The following NXPE2 variants were observed in gnomAD, a reference collection of about 807,000 sequenced individuals.
NXPE2 encodes neurexophilin and PC-esterase domain family member 2, also known as NXPE family member 2.
A neutral mutation model predicts 34.4 loss-of-function variants in NXPE2; 34 were observed. The ratio of observed to expected loss-of-function variants is 0.99; its 90% CI spans 0.75 to 1.31. The LOEUF (loss-of-function observed/expected upper bound fraction) is 1.31. NXPE2 is among the 40% of genes most tolerant of loss of function. The pLI is 0.00. For synonymous variants in NXPE2, 235 were observed against 231.3 expected (o/e 1.02, Z -0.15); for missense variants, 649 against 672.5 (o/e 0.97, Z 0.39).
At chr11:114,534,016 C>T in the NXPE2 span, among the ~76,000 whole-genome samples, 1 of 152,218 alleles carries the variant, frequency 6.6e-6, no homozygotes, top group African/African-American at 2.4e-5. Context: ...CCCAAGTAGC[C>T]TAACTGGGAG....
the NXPE2 span, among the ~76,000 whole-genome samples, chr11:114,810,035 C>T: frequency 4.0e-5 from 6 of 151,412 alleles, no homozygotes; most frequent in African/African-American, 9.7e-5. Flanking sequence ...GAAATAATGC[C>T]GCATATCTAC....
chr11:114,704,731 A>G (rs1951440168), intron 4 of NXPE2, among the ~76,000 whole-genome samples: 1 of 152,234 alleles, frequency 6.6e-6, no homozygotes. Context: ...CCTGTGGAGA[A>G]CATAAACACA....
chr11:114,527,845 C>T, the NXPE2 span: 1 of 1,606,198 alleles, frequency 6.2e-7, no homozygotes. Context: ...CTTACTGTTA[C>T]AATTAGTGAC....
At chr11:114,482,525 A>G in the NXPE2 span, among the ~76,000 whole-genome samples, 1 of 152,180 alleles carries the variant, frequency 6.6e-6, no homozygotes. Flanking sequence ...AGTTTTAACT[A>G]TATTTTCAAC....
At chr11:114,697,366 C>T (rs1037427648) in intron 2 of NXPE2, among the ~76,000 whole-genome samples, 8 of 152,280 alleles carry the variant, frequency 5.3e-5, no homozygotes, top group African/African-American at 1.9e-4. Context: ...TGGAAACCAC[C>T]AGGAGTTAGG....
chr11:114,813,461 T>G, the NXPE2 span, among the ~76,000 whole-genome samples: 3 of 152,216 alleles, frequency 2.0e-5, no homozygotes, highest in African/African-American at 7.2e-5. Context: ...ATCTGCGAGC[T>G]GCAGCTCAAG....
the NXPE2 span, among the ~76,000 whole-genome samples, chr11:114,589,084 A>T: frequency 6.6e-6 from 1 of 152,080 alleles, no homozygotes. Context: ...TGCATCTGCG[A>T]GTTGCTATTG....
chr11:114,749,954 T>A, the NXPE2 span, among the ~76,000 whole-genome samples: 21 of 152,062 alleles, frequency 1.4e-4, no homozygotes, highest in Middle Eastern at 3.2e-3. Context: ...CCATGTAGAC[T>A]CTCTTCTCTC....
the NXPE2 span, among the ~76,000 whole-genome samples, chr11:114,729,457 CTGTTT>C: frequency 6.6e-6 from 1 of 152,098 alleles, no homozygotes; most frequent in Non-Finnish European, 1.5e-5. Context: ...AATGGTAGTT[CTGTTT>C]TAAGTTCTTT....
In NXPE2 at chr11:114,706,640, C is replaced by T. The variant is rs780628740; in HGVS notation, c.1390C>T (p.Arg464Cys). 5.8e-6 allele frequency: 9 copies of T among 1,551,714 alleles called. No individual in the cohort carries two copies. The highest frequency in any genetic ancestry group is 4.9e-5 in the East Asian group (2 of 41,068). Residue 464 changes from arginine to cysteine, a missense_variant, in exon 6 of 6, where the codon CGT becomes TGT. Physicochemically the swap from Arg to Cys is radical, Grantham distance 180. Coordinates refer to ENST00000389586, the MANE Select transcript of NXPE2 (RefSeq NM_182495.6). ...FRPFPINIFI[R>C]RAINIQKAIE... ...ACCCTTTCCCATCAACATTTTCATC[C>T]GTAGGGCCATCAATATTCAAAAGGC... is the stretch of plus-strand genomic sequence containing the variant.
chr11:114,491,944 G>T, the NXPE2 span, among the ~76,000 whole-genome samples: 1 of 152,124 alleles, frequency 6.6e-6, no homozygotes, highest in African/African-American at 2.4e-5. Context: ...TCACTCATAG[G>T]TGGGAATTGA....
the NXPE2 span, among the ~76,000 whole-genome samples, chr11:114,811,357 C>CA: frequency 5.5e-5 from 8 of 144,422 alleles, no homozygotes; most frequent in Admixed American, 2.1e-4. Flanking sequence ...AAAAAAAATG[C>CA]AAAAAAAGAG....
At chr11:114,505,178 G>GA in the NXPE2 span, among the ~76,000 whole-genome samples, 1 of 150,978 alleles carries the variant, frequency 6.6e-6, no homozygotes, top group African/African-American at 2.4e-5. Flanking sequence ...CAAGAATAGA[G>GA]AGAAAAAAAA....
chr11:114,615,589 A>G, the NXPE2 span, among the ~76,000 whole-genome samples: 1 of 150,924 alleles, frequency 6.6e-6, no homozygotes, highest in Admixed American at 6.6e-5. Context: ...CTGGTGAATA[A>G]TATTTGCTGC....
At chr11:114,481,675 T>G in the NXPE2 span, among the ~76,000 whole-genome samples, 210 of 152,314 alleles carry the variant, frequency 1.4e-3, 2 homozygotes, top group African/African-American at 4.8e-3. Flanking sequence ...GTAAATCTAC[T>G]GGTGCAGTGT....
chr11:114,746,104 T>A, the NXPE2 span, among the ~76,000 whole-genome samples: 1 of 152,180 alleles, frequency 6.6e-6, no homozygotes, highest in Non-Finnish European at 1.5e-5. Context: ...TTGGCTTTAG[T>A]TGAATGTTGA....
chr11:114,566,049 A>G, the NXPE2 span, among the ~76,000 whole-genome samples: 1 of 152,180 alleles, frequency 6.6e-6, no homozygotes, highest in Admixed American at 6.5e-5. Context: ...AAAACTAGGG[A>G]CAAATGCATT....
At chr11:114,544,088 C>G in the NXPE2 span, among the ~76,000 whole-genome samples, 3 of 152,086 alleles carry the variant, frequency 2.0e-5, no homozygotes, top group African/African-American at 7.2e-5. Flanking sequence ...TTTAAAAAAT[C>G]TAAATAAATG....
At chr11:114,685,769 C>G (rs891379916) in intron 2 of NXPE2, among the ~76,000 whole-genome samples, 2 of 152,070 alleles carry the variant, frequency 1.3e-5, no homozygotes, top group African/African-American at 4.8e-5. Flanking sequence ...TCCTTCTATG[C>G]CTAATTTTAA....
Sources: gnomAD v4.1 joint callset for allele counts (sites outside exome capture counted in the v4.1 genomes callset) on GRCh38, gnomAD v4.1.1 for gene constraint, MANE v1.5 for transcripts, NCBI Gene and HGNC (gene_info 2026-07-23, HGNC 2026-07-21) for gene names.